KLKB1: variants seen among roughly 807,000 people sequenced by gnomAD.
KLKB1 encodes the protein plasma kallikrein.
KLKB1 carries 58 observed loss-of-function variants against 73.6 expected under a neutral mutation model. The observed-to-expected ratio is 0.79, with a 90% CI of 0.64 to 0.98. The LOEUF is 0.98. Ranked by LOEUF, KLKB1 falls within the 50% of genes least tolerant of loss-of-function variation. The pLI, the probability that KLKB1 is intolerant of heterozygous loss-of-function variation, is 0.00. For synonymous variants in KLKB1, 280 were observed against 258.1 expected, an observed-to-expected ratio of 1.08 and a Z score of -0.81; for missense variants, 737 against 763.8, an observed-to-expected ratio of 0.96 and a Z score of 0.41.
rs934968593 is a variant in KLKB1, at chr4:186,212,907, A to G, written c.201+3635A>G. On this transcript the variant is annotated intron_variant, in intron 2 of 14. Transcript: ENST00000511608. ...AAAAGTCAAGGAAGGAGGTGATACA[A>G]TTGGAAATATTCCCATCAAATGGTT... The G allele has an allele frequency of 2.2e-4, 33 of 152,218 alleles. No homozygotes were observed. The highest frequency in any genetic ancestry group is 1.0e-4 in the Non-Finnish European group (7 of 68,028). 9.4% of individuals were successfully genotyped at this position (152,218 alleles called of 1,614,324 possible).
Position 186,236,789 on chromosome 4 carries a change from C to G in KLKB1, c.337C>G (p.Arg113Gly). ...GTATTTTTCTTGTACAGCTTGCCAT[C>G]GAGACATTTATAAAGGAGTTGATAT... is the stretch of plus-strand genomic sequence containing the variant. Reference protein sequence around the residue: ...QCGHQISACHRDIYKGVDMRG... With the variant: ...QCGHQISACHGDIYKGVDMRG... The change falls in exon 5 of 15, where the codon CGA becomes GGA. Residue 113 changes from arginine to glycine, a missense_variant. Coordinates refer to ENST00000264690, the MANE Select transcript of KLKB1 (RefSeq NM_000892.5). 19 of 1,613,862 alleles carry G rather than the reference C, an allele frequency of 1.2e-5. No homozygotes were observed. Among genetic ancestry groups the G allele is most frequent in the Non-Finnish European group, 1.4e-5 (16 of 1,179,898 alleles).
At chr4:186,257,397 G>C (rs781145435) in intron 14 of KLKB1, 32 bp downstream of exon 14, 22 of 1,539,396 alleles carry the variant, frequency 1.4e-5, no homozygotes, top group South Asian at 6.6e-5. Context: ...AACACAATAG[G>C]CTGCTTGAGA....
chr4:186,236,100 C>T (rs1305262566), intron 4 of KLKB1, among the ~76,000 whole-genome samples: 1 of 92,758 alleles, frequency 1.1e-5, no homozygotes. Context: ...GGCGACAGAG[C>T]GAGACTCCGT....
At chr4:186,221,071 T>C (rs1164993344) in intron 2 of KLKB1, among the ~76,000 whole-genome samples, 1 of 152,150 alleles carries the variant, frequency 6.6e-6, no homozygotes, top group Admixed American at 6.5e-5. Context: ...CTATTTCTTC[T>C]ACATTATTTA....
intron 6 of KLKB1, among the ~76,000 whole-genome samples, chr4:186,243,365 T>C (rs1406019321): frequency 8.5e-5 from 13 of 152,174 alleles, no homozygotes; most frequent in Admixed American, 8.5e-4. Flanking sequence ...TTTTCCTTGG[T>C]CCAAGAATTA....
At chr4:186,250,181 A>ATT in intron 6 of KLKB1, 62 bp from the exon 7 acceptor site, 2 of 1,484,304 alleles carry the variant, frequency 1.3e-6, no homozygotes, top group Admixed American at 1.7e-5. Context: ...TGGTGACAAA[A>ATT]TACAAGCAAA....
intron 6 of KLKB1, among the ~76,000 whole-genome samples, chr4:186,249,520 T>G (rs1342203615): frequency 6.6e-6 from 1 of 152,172 alleles, no homozygotes; most frequent in East Asian, 1.9e-4. Context: ...TACCATAACT[T>G]TGCAGTAAGT....
Position 186,251,770 on chromosome 4 carries a change from A to C in KLKB1, c.1053A>C (p.Leu351Phe). 6.2e-7 allele frequency: 1 copy of C among 1,613,882 alleles called. No homozygotes were observed. The highest frequency in any genetic ancestry group is 8.5e-7 in the Non-Finnish European group (1 of 1,179,754). ...CTAGGTGTAAGTGTTTCTTAAGATTATCTATGGATGGTTCTCCAACTAGGA... is the reference window on the plus strand; with the variant it reads ...CTAGGTGTAAGTGTTTCTTAAGATTCTCTATGGATGGTTCTCCAACTAGGA... ...KEEKCKCFLR[L>F]SMDGSPTRIA... Residue 351 changes from leucine (L) to phenylalanine (F), a missense_variant, in exon 10 of 15, where the codon TTA becomes TTC. Transcript: ENST00000264690.
chr4:186,212,327 G>A (rs964385891), intron 2 of KLKB1: 16 of 152,120 alleles, frequency 1.1e-4, no homozygotes, highest in African/African-American at 3.9e-4. Context: ...TCTATATTTA[G>A]TAACCCAGTA....
intron 4 of KLKB1, 29 bp downstream of exon 4, chr4:186,234,087 G>T: frequency 6.6e-7 from 1 of 1,509,908 alleles, no homozygotes; most frequent in South Asian, 1.1e-5. Context: ...AGCTACATTT[G>T]AGTTAATATT....
chr4:186,244,558 G>T (rs946118937), intron 6 of KLKB1, among the ~76,000 whole-genome samples: 2 of 152,170 alleles, frequency 1.3e-5, no homozygotes, highest in African/African-American at 4.8e-5. Context: ...AGAGAGGCTG[G>T]GATGAAGGGT....
At chr4:186,248,714 A>G (rs1738516447) in intron 6 of KLKB1, among the ~76,000 whole-genome samples, 1 of 151,286 alleles carries the variant, frequency 6.6e-6, no homozygotes, top group Non-Finnish European at 1.5e-5. Context: ...GCTGGATCAC[A>G]GAGTAACTCC....
At chr4:186,235,149 T>A (rs4253250) in intron 4 of KLKB1, among the ~76,000 whole-genome samples, 5,289 of 152,264 alleles carry the variant, frequency 0.035, 124 homozygotes, top group Middle Eastern at 0.078. Flanking sequence ...CTACGTGAGG[T>A]GGAGTACATT....
At position 186,258,130 on chromosome 4, in the gene KLKB1, C is replaced by T. The variant is rs750774709; in HGVS notation, c.1835C>T (p.Thr612Ile). The part of the protein sequence containing the change: ...CARREQPGVY[T>I]KVAEYMDWIL... ...CGCAGGGAGCAACCTGGTGTCTACACCAAAGTCGCTGAGTACATGGACTGG... is the reference window on the plus strand; with the variant it reads ...CGCAGGGAGCAACCTGGTGTCTACATCAAAGTCGCTGAGTACATGGACTGG... Residue 612 changes from threonine to isoleucine, a missense_variant, in exon 15 of 15, where the codon ACC (threonine) becomes ATC (isoleucine). By Grantham distance (89) the Thr-to-Ile change is moderately conservative. Coordinates refer to ENST00000264690, the MANE Select transcript of KLKB1 (RefSeq NM_000892.5). 1 of 1,614,124 alleles carries T rather than the reference C, an allele frequency of 6.2e-7. No homozygotes were observed. Among genetic ancestry groups the T allele is most frequent in the Non-Finnish European group, 8.5e-7 (1 of 1,180,026 alleles).
chr4:186,235,900 G>A lies in KLKB1; in HGVS notation c.329-881G>A, dbSNP rs1298191325. On this transcript the variant is annotated intron_variant, in intron 4 of 14. Transcript: ENST00000264690. ...GGAGGCCGAGACGGGCGGATCACGAGGTCAGGAGATCGAGACCATCCTGGC... is the reference window on the plus strand; with the variant it reads ...GGAGGCCGAGACGGGCGGATCACGAAGTCAGGAGATCGAGACCATCCTGGC... Among the ~76,000 whole-genome samples the A allele has an allele frequency of 2.6e-5, 4 of 152,070 alleles. No individual in the cohort carries two copies. The East Asian group carries it at 5.8e-4, about 22-fold the overall frequency.
At chr4:186,246,776 G>A (rs1008106549) in intron 6 of KLKB1, among the ~76,000 whole-genome samples, 1 of 152,160 alleles carries the variant, frequency 6.6e-6, no homozygotes, top group African/African-American at 2.4e-5. Context: ...TAAGGGTGAA[G>A]GATCAAGGCA....
chr4:186,235,399 A>T (rs1480069586), intron 4 of KLKB1, among the ~76,000 whole-genome samples: 2 of 152,216 alleles, frequency 1.3e-5, no homozygotes, highest in Non-Finnish European at 2.9e-5. Flanking sequence ...ACACTCAAGA[A>T]CAATTCTAGT....
intron 11 of KLKB1, among the ~76,000 whole-genome samples, 157 bp from the exon 12 acceptor site, chr4:186,254,431 T>C (rs1025599619): frequency 1.3e-5 from 2 of 152,230 alleles, no homozygotes; most frequent in Non-Finnish European, 2.9e-5. Flanking sequence ...ACTGCCGCTA[T>C]TGGTGATGAA....
chr4:186,244,887 G>A (rs1350131626), intron 6 of KLKB1, among the ~76,000 whole-genome samples: 1 of 152,130 alleles, frequency 6.6e-6, no homozygotes, highest in Non-Finnish European at 1.5e-5. Flanking sequence ...GTGTGATTAG[G>A]TTTTAATGGG....
Sources: gnomAD v4.1 joint callset for allele counts (sites outside exome capture counted in the v4.1 genomes callset) on GRCh38, gnomAD v4.1.1 for gene constraint, MANE v1.5 for transcripts, NCBI Gene and HGNC (gene_info 2026-07-23, HGNC 2026-07-21) for gene names.